Variants in CEP192 observed in about 807,000 individuals in gnomAD.
CEP192 encodes the protein centrosomal protein of 192 kDa.
In CEP192, 151 loss-of-function variants were observed where a neutral mutation model predicts 271.8. The ratio of observed to expected loss-of-function variants is 0.56; its 90% CI spans 0.49 to 0.64. The LOEUF (loss-of-function observed/expected upper bound fraction) is 0.64. Among genes scored for constraint, CEP192 ranks in the 30% least tolerant of loss-of-function variants. The probability of loss-of-function intolerance (pLI) is 0.00; values close to 1 mark genes in which losing one functional copy is unlikely to be tolerated. For missense variants in CEP192, 2,910 were observed against 3,020.5 expected, an observed-to-expected ratio of 0.96 and a Z score of 0.86; for synonymous variants, 995 against 1,076.5, an observed-to-expected ratio of 0.92 and a Z score of 1.48.
At chr18:13,030,697 G>A in intron 11 of CEP192, 89 bp downstream of exon 11, 1 of 1,012,438 alleles carries the variant, frequency 9.9e-7, no homozygotes, top group Admixed American at 2.1e-5. Flanking sequence ...AGCCACATCA[G>A]ATCCCTTCTG....
chr18:13,007,792 T>A (rs73953340), intron 3 of CEP192, among the ~76,000 whole-genome samples: 15 of 151,864 alleles, frequency 9.9e-5, no homozygotes, highest in African/African-American at 3.1e-4. Flanking sequence ...GAAGGACTTT[T>A]AAAAAAAAAT....
chr18:13,066,836 A>G (rs1476062155), intron 21 of CEP192, among the ~76,000 whole-genome samples: 1 of 152,112 alleles, frequency 6.6e-6, no homozygotes, highest in East Asian at 1.9e-4. Flanking sequence ...AAGCTCTACC[A>G]CCTTGAGCGC....
chr18:13,003,446 C>G (rs1248683276), intron 3 of CEP192, among the ~76,000 whole-genome samples: 3 of 94,850 alleles, frequency 3.2e-5, no homozygotes, highest in African/African-American at 5.0e-5. Context: ...GAGACTCTGT[C>G]TCAAGAAAAA....
chr18:13,122,014 C>G (rs2040685438), intron 44 of CEP192, among the ~76,000 whole-genome samples: 1 of 152,226 alleles, frequency 6.6e-6, no homozygotes, highest in Non-Finnish European at 1.5e-5. Context: ...TTGGGCCGGG[C>G]ATGGTGGCCC....
Position 13,029,680 on chromosome 18 carries a change from T to A in CEP192, c.1068T>A (p.Asp356Glu), listed in dbSNP as rs1181566856. 1.3e-6 allele frequency: 2 copies of A among 1,513,438 alleles called. No homozygotes were observed. Among genetic ancestry groups the A allele is most frequent in the African/African-American group, 2.8e-5 (2 of 71,864 alleles). The allele number at this position is 1,513,438 out of a possible 1,614,324, so 93.8% of individuals were successfully genotyped here. A position where few individuals can be genotyped will look rare whatever the true frequency, so the allele number is the denominator to read the frequency against. The change falls in exon 10 of 45, where the codon GAT becomes GAA. Residue 356 changes from aspartate to glutamate, a missense_variant. By Grantham distance (45) the Asp-to-Glu change is conservative (BLOSUM62 2). Transcript: ENST00000506447. ...PDLNSECASK[D>E]VLVKTLRAID... is the part of the protein sequence containing the mutation. The stretch of plus-strand genomic sequence containing the variant: ...TTTTAAAGGAATGTGCAAGTAAAGA[T>A]GTTCTGGTGAAGACCCTCAGGGCTA...
chr18:13,073,292 G>A, intron 30 of CEP192, 107 bp downstream of exon 30: 1 of 995,310 alleles, frequency 1.0e-6, no homozygotes, highest in East Asian at 2.5e-5. Context: ...GTGAAACTAT[G>A]TAATTATCTA....
chr18:13,051,781 G>T (rs1225944568), intron 17 of CEP192, among the ~76,000 whole-genome samples: 2 of 152,152 alleles, frequency 1.3e-5, no homozygotes, highest in African/African-American at 4.8e-5. Context: ...CTGACCTCTT[G>T]ATCCACCCTC....
At chr18:13,113,410 A>G (rs1170169433) in intron 40 of CEP192, among the ~76,000 whole-genome samples, 176 bp from the exon 41 acceptor site, 2 of 152,264 alleles carry the variant, frequency 1.3e-5, no homozygotes, top group Admixed American at 6.5e-5. Flanking sequence ...TGGATCTGGT[A>G]TAGTAACCCG....
chr18:13,046,150 A>G (rs1385265839), intron 15 of CEP192, among the ~76,000 whole-genome samples: 1 of 152,136 alleles, frequency 6.6e-6, no homozygotes, highest in Non-Finnish European at 1.5e-5. Flanking sequence ...GAAGCTTGCA[A>G]TCATGGCAGA....
Position 13,067,963 on chromosome 18 carries a change from A to G in CEP192, c.4614+7A>G. The G allele has an allele frequency of 6.2e-7, 1 of 1,605,544 alleles. No individual in the cohort carries two copies. Among genetic ancestry groups the G allele is most frequent in the Non-Finnish European group, 8.5e-7 (1 of 1,172,956 alleles). On this transcript the variant is annotated splice_region_variant and intron_variant, in intron 22 of 44. Transcript: ENST00000506447. ...TAGACTGATTATTAATGCTGTAAGTATGAACATACAGTAAGAAACCATTTA... is the reference window on the plus strand; with the variant it reads ...TAGACTGATTATTAATGCTGTAAGTGTGAACATACAGTAAGAAACCATTTA...
chr18:13,000,236 A>T (rs1050326595), intron 2 of CEP192: 3 of 150,010 alleles, frequency 2.0e-5, no homozygotes, highest in Admixed American at 2.0e-4. Flanking sequence ...GGTATTACAC[A>T]GGTGTGAGCT....
At chr18:13,100,065 G>T (rs1351107083) in intron 37 of CEP192, among the ~76,000 whole-genome samples, 1 of 152,158 alleles carries the variant, frequency 6.6e-6, no homozygotes, top group Non-Finnish European at 1.5e-5. Context: ...GAATGGGTGT[G>T]GAGAGTGGAG....
intron 21 of CEP192, among the ~76,000 whole-genome samples, chr18:13,065,588 A>T (rs2144326971): frequency 6.6e-6 from 1 of 152,364 alleles, no homozygotes; most frequent in South Asian, 2.1e-4. Flanking sequence ...TTCTTTAATC[A>T]ATACTATTCC....
intron 17 of CEP192, among the ~76,000 whole-genome samples, chr18:13,051,635 C>T (rs867743736): frequency 3.9e-5 from 6 of 152,230 alleles, no homozygotes; most frequent in Non-Finnish European, 8.8e-5. Context: ...GCGCCGCCTC[C>T]CAGGTTCACG....
intron 14 of CEP192, 86 bp downstream of exon 14, chr18:13,041,042 A>G: frequency 9.0e-7 from 1 of 1,113,260 alleles, no homozygotes; most frequent in African/African-American, 1.6e-5. Flanking sequence ...CGTGTTCTTT[A>G]TGAGTGAAAA....
At chr18:13,038,267 C>A in intron 12 of CEP192, 103 bp from the exon 13 acceptor site, 4 of 936,546 alleles carry the variant, frequency 4.3e-6, no homozygotes, top group Non-Finnish European at 4.8e-6. Context: ...TTCAAAATTA[C>A]TTTTTAAATT....
chr18:13,066,308 CTG>C (rs1366837103), intron 21 of CEP192, among the ~76,000 whole-genome samples: 2 of 152,212 alleles, frequency 1.3e-5, no homozygotes, highest in Non-Finnish European at 2.9e-5. Flanking sequence ...GTTACGGACT[CTG>C]TTATCTACAT....
chr18:13,111,965 CAG>C (rs1013179837), intron 40 of CEP192, among the ~76,000 whole-genome samples: 4 of 152,008 alleles, frequency 2.6e-5, no homozygotes, highest in African/African-American at 7.3e-5. Context: ...TTTAAAAAAA[CAG>C]AAAATAACAG....
chr18:13,043,064 C>T (rs1223097899), intron 15 of CEP192, among the ~76,000 whole-genome samples: 1 of 152,244 alleles, frequency 6.6e-6, no homozygotes, highest in African/African-American at 2.4e-5. Context: ...TCCTCGCCAG[C>T]ACCTGGCATT....
Sources: gnomAD v4.1 joint callset for allele counts (sites outside exome capture counted in the v4.1 genomes callset) on GRCh38, gnomAD v4.1.1 for gene constraint, MANE v1.5 for transcripts, NCBI Gene and HGNC (gene_info 2026-07-23, HGNC 2026-07-21) for gene names.